The following CRYBA4 variants were observed in gnomAD, a reference collection of about 807,000 sequenced individuals.
CRYBA4 encodes beta-crystallin A4.
In CRYBA4, 30 loss-of-function variants were observed where a neutral mutation model predicts 31.7. The observed-to-expected ratio is 0.95, with a 90% CI of 0.71 to 1.28. The LOEUF is 1.28. Among genes scored for constraint, CRYBA4 ranks in the 50% most tolerant of loss-of-function variants. CRYBA4 has a pLI of 0.00. For synonymous variants in CRYBA4, 102 were observed against 102.3 expected (o/e 1.00, Z 0.02); for missense variants, 225 against 260.7 (o/e 0.86, Z 0.94).
At chr22:26,628,844 G>A (rs909385563) in intron 5 of CRYBA4, among the ~76,000 whole-genome samples, 2 of 152,178 alleles carry the variant, frequency 1.3e-5, no homozygotes, top group Admixed American at 6.5e-5. Context: ...TCTATTAAAG[G>A]TTCCAAGAAA....
chr22:26,623,580 C>G (rs1027137075), intron 3 of CRYBA4, among the ~76,000 whole-genome samples: 2 of 152,100 alleles, frequency 1.3e-5, no homozygotes, highest in Non-Finnish European at 2.9e-5. Flanking sequence ...CTGGATGAGG[C>G]AGTTCTGCAG....
At position 26,628,337 on chromosome 22, in the gene CRYBA4, G is replaced by A; in HGVS notation, c.350G>A (p.Gly117Asp). The change falls in exon 5 of 6, where the codon GGC becomes GAC. Residue 117 changes from glycine (G) to aspartate (D), a missense_variant. Physicochemically the swap from Gly to Asp is moderately conservative, Grantham distance 94 (BLOSUM62 -1). Transcript: ENST00000354760. Reference protein sequence around the residue: ...LTIFEQENFLGKKGELSDDYP... With the variant: ...LTIFEQENFLDKKGELSDDYP... ...ATCTTCGAGCAAGAGAACTTCCTGG[G>A]CAAGAAAGGAGAGCTGAGCGATGAC... 6.2e-7 allele frequency: 1 copy of A among 1,614,018 alleles called. No individual in the cohort carries two copies.
At chr22:26,614,802 G>A in the CRYBA4 span, among the ~76,000 whole-genome samples, 34 of 152,046 alleles carry the variant, frequency 2.2e-4, no homozygotes, top group Admixed American at 2.0e-4. Context: ...GGCAAAACCC[G>A]TCTCATAATT....
the CRYBA4 span, among the ~76,000 whole-genome samples, chr22:26,596,998 C>A: frequency 1.3e-5 from 2 of 152,158 alleles, no homozygotes; most frequent in Non-Finnish European, 2.9e-5. Context: ...GTCCAGGAAT[C>A]CTGGTCCGCA....
At chr22:26,627,937 C>T (rs762570093) in intron 4 of CRYBA4, among the ~76,000 whole-genome samples, 4 of 152,126 alleles carry the variant, frequency 2.6e-5, no homozygotes, top group Non-Finnish European at 5.9e-5. Flanking sequence ...CGTGAGCCAC[C>T]GCGCCGGGCC....
chr22:26,628,503 T>A, intron 5 of CRYBA4, 73 bp downstream of exon 5: 2 of 1,575,264 alleles, frequency 1.3e-6, no homozygotes, highest in South Asian at 2.2e-5. Context: ...CTGTGAAAAC[T>A]GTGTGCTGGG....
the CRYBA4 span, chr22:26,616,286 T>C: frequency 6.2e-7 from 1 of 1,612,214 alleles, no homozygotes; most frequent in Non-Finnish European, 8.5e-7. Flanking sequence ...ACCGCCACTG[T>C]GGCCGAGGCC....
At chr22:26,616,900 C>T in the CRYBA4 span, among the ~76,000 whole-genome samples, 1 of 152,220 alleles carries the variant, frequency 6.6e-6, no homozygotes, top group African/African-American at 2.4e-5. Flanking sequence ...GGAAATGGAG[C>T]CAGCAACTGG....
intron 4 of CRYBA4, 106 bp downstream of exon 4, chr22:26,625,728 G>C: frequency 2.6e-6 from 3 of 1,142,236 alleles, no homozygotes; most frequent in Non-Finnish European, 3.9e-6. Context: ...ACTTCAAGCT[G>C]TGTGACAAGG....
chr22:26,594,520 CT>C, the CRYBA4 span, among the ~76,000 whole-genome samples: 1 of 152,166 alleles, frequency 6.6e-6, no homozygotes, highest in Admixed American at 6.6e-5. Flanking sequence ...GATTCACAAG[CT>C]GGGATCTATC....
chr22:26,605,030 A>G, the CRYBA4 span, among the ~76,000 whole-genome samples: 3 of 152,098 alleles, frequency 2.0e-5, no homozygotes, highest in African/African-American at 7.2e-5. Flanking sequence ...TGGTCCCACC[A>G]GTCCATCGTT....
chr22:26,595,575 G>A, the CRYBA4 span, among the ~76,000 whole-genome samples: 1 of 61,804 alleles, frequency 1.6e-5, no homozygotes, highest in African/African-American at 7.2e-5. Flanking sequence ...GCAAAACTCC[G>A]TCTCAAAAAA....
At chr22:26,618,750 C>T (rs1265056771), upstream of CRYBA4, among the ~76,000 whole-genome samples, 1 of 152,206 alleles carries the variant, frequency 6.6e-6, no homozygotes, top group Non-Finnish European at 1.5e-5. Context: ...CCTGAGGCCC[C>T]CTGGCCTGAC....
chr22:26,616,269 T>C, the CRYBA4 span: 5 of 1,613,838 alleles, frequency 3.1e-6, no homozygotes, highest in South Asian at 5.5e-5. Context: ...TGTCAGGCCC[T>C]GGGTTCACCG....
chr22:26,624,368 G>A (rs59203011), intron 3 of CRYBA4, among the ~76,000 whole-genome samples: 6,791 of 152,132 alleles, frequency 0.045, 197 homozygotes, highest in East Asian at 0.094. Context: ...GAAAGGCAAT[G>A]TGGCCAGTAG....
chr22:26,611,435 C>T, the CRYBA4 span, among the ~76,000 whole-genome samples: 4 of 151,126 alleles, frequency 2.6e-5, no homozygotes, highest in South Asian at 2.1e-4. Flanking sequence ...TCTCAGCCCT[C>T]GGTAATGGGC....
chr22:26,610,553 C>A, the CRYBA4 span, among the ~76,000 whole-genome samples: 1 of 152,152 alleles, frequency 6.6e-6, no homozygotes, highest in Admixed American at 6.5e-5. Flanking sequence ...CTGCTTCCAG[C>A]TGGGTTTTGG....
chr22:26,627,476 C>CCT (rs1929772310), intron 4 of CRYBA4, among the ~76,000 whole-genome samples: 2 of 71,476 alleles, frequency 2.8e-5, no homozygotes, highest in Admixed American at 1.7e-4. Context: ...TTCTTTCTTT[C>CCT]TCTTTCTTTC....
chr22:26,620,209 T>G (rs1929489652), upstream of CRYBA4, among the ~76,000 whole-genome samples: 1 of 152,218 alleles, frequency 6.6e-6, no homozygotes, highest in South Asian at 2.1e-4. Context: ...TATGCACCCC[T>G]GCTTTTTGAT....
Sources: gnomAD v4.1 joint callset for allele counts (sites outside exome capture counted in the v4.1 genomes callset) on GRCh38, gnomAD v4.1.1 for gene constraint, MANE v1.5 for transcripts, NCBI Gene and HGNC (gene_info 2026-07-23, HGNC 2026-07-21) for gene names.